Variants in OR3A2 observed in about 807,000 individuals in gnomAD.
OR3A2 encodes olfactory receptor family 3 subfamily A member 2.
For missense variants in OR3A2, 318 were observed against 392.8 expected (o/e 0.81, Z 1.61); for synonymous variants, 126 against 159.3 (o/e 0.79, Z 1.57).
intron 3 of OR3A2, among the ~76,000 whole-genome samples, chr17:3,320,438 C>A (rs979995097): frequency 1.5e-5 from 2 of 136,356 alleles, no homozygotes; most frequent in Non-Finnish European, 3.2e-5. Context: ...GTGTTTTAGA[C>A]ATGAAGTCCT....
chr17:3,362,745 G>A (rs888536944), intron 2 of OR3A2, among the ~76,000 whole-genome samples: 6 of 151,758 alleles, frequency 4.0e-5, no homozygotes, highest in East Asian at 1.9e-4. Context: ...GAGGTTATCC[G>A]TGATGGCTGA....
At position 3,370,852 on chromosome 17, in the gene OR3A2, C is replaced by T. The variant is rs372333625; in HGVS notation, c.-179+12952G>A. 3.0e-3 allele frequency among the ~76,000 whole-genome samples: 454 copies of T among 151,992 alleles called. 1 individual carries two copies. The highest frequency in any genetic ancestry group is 0.017 in the Middle Eastern group (5 of 290). On this transcript the variant is annotated intron_variant, in intron 2 of 4. Coordinates refer to the OR3A2 transcript ENST00000573491. ...TCTTAACGAGCATGCTGCCTTCAAG[C>T]ATCTGTTTAACAAAGCACATCTTGC...
chr17:3,348,044 T>C (rs1161675330), intron 2 of OR3A2, among the ~76,000 whole-genome samples: 1 of 152,242 alleles, frequency 6.6e-6, no homozygotes, highest in South Asian at 2.1e-4. Context: ...AAATGTCTTC[T>C]TTTGAGAAGT....
chr17:3,366,517 G>C (rs150115465), intron 2 of OR3A2, among the ~76,000 whole-genome samples: 120 of 152,262 alleles, frequency 7.9e-4, no homozygotes, highest in African/African-American at 2.7e-3. Flanking sequence ...TTTAAAAATT[G>C]TTACAGTTTC....
rs1260256876 is a variant in OR3A2, at chr17:3,336,146, T to C, written c.-178-20A>G. ...GCATGTCTGTGGAAATAATGACAGG[T>C]CATCAGCCCTGCCATCAGCCAAGCA... On this transcript the variant is annotated intron_variant, in intron 2 of 4. Transcript: ENST00000573491. The C allele has an allele frequency of 6.6e-6, 1 of 152,246 alleles. No homozygotes were observed. Among genetic ancestry groups the C allele is most frequent in the Non-Finnish European group, 1.5e-5 (1 of 68,050 alleles). 9.4% of individuals were successfully genotyped at this position (152,246 alleles called of 1,614,324 possible).
rs570797971 is a variant in OR3A2, at chr17:3,386,154, C to T, written c.-304G>A. 8.8e-5 allele frequency: 35 copies of T among 398,934 alleles called. 1 individual carries two copies. In the South Asian group the frequency reaches 2.0e-3, roughly 23 times the overall value. The allele number at this position is 398,934 out of a possible 1,614,324, so 24.7% of individuals were successfully genotyped here. ...GCCTCGTGGACGTCTGCTTTACCAC[C>T]GTCACGGTCCCCAGGCTGCTGGCCG... is the stretch of plus-strand genomic sequence containing the variant. On this transcript the variant is annotated 5_prime_UTR_variant, in exon 1 of 5. Coordinates refer to the OR3A2 transcript ENST00000573491.
chr17:3,386,277 G>A (rs970684563), exon 1 of OR3A2: 2 of 398,480 alleles, frequency 5.0e-6, no homozygotes, highest in South Asian at 1.3e-4. Flanking sequence ...ACCTCCTGGC[G>A]GCCATGTCCT....
intron 2 of OR3A2, among the ~76,000 whole-genome samples, chr17:3,352,003 C>A (rs563442763): frequency 1.8e-4 from 27 of 152,200 alleles, no homozygotes; most frequent in African/African-American, 6.3e-4. Context: ...AAACTGGATC[C>A]CTTCCTTACA....
intron 2 of OR3A2, among the ~76,000 whole-genome samples, chr17:3,349,295 G>T (rs143840526): frequency 1.3e-5 from 2 of 152,014 alleles, no homozygotes; most frequent in East Asian, 3.9e-4. Context: ...CCATCTCACG[G>T]GCAGAGACAC....
At chr17:3,308,477 T>A (rs2049014914) in intron 3 of OR3A2, among the ~76,000 whole-genome samples, 2 of 152,114 alleles carry the variant, frequency 1.3e-5, no homozygotes, top group Admixed American at 6.6e-5. Context: ...TGAAACAGCT[T>A]CTCACTCCAC....
chr17:3,282,910 G>C (rs969919430), intron 1 of OR3A2, among the ~76,000 whole-genome samples: 2 of 152,128 alleles, frequency 1.3e-5, no homozygotes, highest in Admixed American at 6.5e-5. Context: ...CACATGCCCA[G>C]ATATTTCACA....
chr17:3,348,442 G>T (rs1010913053), intron 2 of OR3A2, among the ~76,000 whole-genome samples: 2 of 152,052 alleles, frequency 1.3e-5, no homozygotes, highest in Non-Finnish European at 2.9e-5. Context: ...GATGGAAGAT[G>T]AAATGAATGA....
intron 2 of OR3A2, among the ~76,000 whole-genome samples, chr17:3,361,500 A>G (rs1395830657): frequency 2.0e-5 from 3 of 151,676 alleles, no homozygotes; most frequent in Non-Finnish European, 1.5e-5. Context: ...GCCAGTTTTC[A>G]AAGAGAATGC....
At chr17:3,290,013 CTTTTCTTCTGTG>C (rs2048850821) in intron 3 of OR3A2, among the ~76,000 whole-genome samples, 1 of 152,150 alleles carries the variant, frequency 6.6e-6, no homozygotes, top group Non-Finnish European at 1.5e-5. Context: ...ACCCAGCACT[CTTTTCTTCTGTG>C]TTTTCTCATC....
chr17:3,371,760 A>T (rs1399694300), intron 2 of OR3A2, among the ~76,000 whole-genome samples: 1 of 125,014 alleles, frequency 8.0e-6, no homozygotes, highest in Non-Finnish European at 1.7e-5. Context: ...CTCACTTCCC[A>T]GTAGGGGCGG....
At chr17:3,292,566 C>G (rs1267808604) in intron 3 of OR3A2, 3 of 1,608,282 alleles carry the variant, frequency 1.9e-6, no homozygotes, top group Non-Finnish European at 1.7e-6. Flanking sequence ...TCCATTGGCC[C>G]CAGATTCTGG....
intron 1 of OR3A2, 91 bp from the exon 4 acceptor site, chr17:3,279,244 A>T: frequency 2.4e-6 from 1 of 417,532 alleles, no homozygotes; most frequent in African/African-American, 2.0e-5. Context: ...ACAGGGGGGA[A>T]ATGGGTAACT....
chr17:3,342,316 G>A lies in OR3A2; in HGVS notation c.-178-6190C>T, dbSNP rs535467035. Among the ~76,000 whole-genome samples, 5 of 152,306 alleles carry A rather than the reference G, an allele frequency of 3.3e-5. No homozygotes were observed. In the South Asian group the frequency reaches 1.0e-3, roughly 32 times the overall value. On this transcript the variant is annotated intron_variant, in intron 2 of 4. Coordinates refer to the OR3A2 transcript ENST00000573491. Reference sequence around the variant, plus strand: ...TCCAGCTTTGTTCTGTTGCTGGCGAGGAGCTGCAATCCTTTGGAGGAGAAG... The same window carrying A: ...TCCAGCTTTGTTCTGTTGCTGGCGAAGAGCTGCAATCCTTTGGAGGAGAAG...
chr17:3,348,774 C>A (rs1195171649), intron 2 of OR3A2, among the ~76,000 whole-genome samples: 1 of 152,026 alleles, frequency 6.6e-6, no homozygotes, highest in African/African-American at 2.4e-5. Flanking sequence ...TTAAGGGCAG[C>A]CAGAGAGAAA....
Sources: gnomAD v4.1 joint callset for allele counts (sites outside exome capture counted in the v4.1 genomes callset) on GRCh38, gnomAD v4.1.1 for gene constraint, MANE v1.5 for transcripts, NCBI Gene and HGNC (gene_info 2026-07-23, HGNC 2026-07-21) for gene names.